The following COL4A2 variants were observed in gnomAD, a reference collection of about 807,000 sequenced individuals.
COL4A2 encodes collagen alpha-2(IV) chain.
COL4A2 carries 99 observed loss-of-function variants against 200.2 expected under a neutral mutation model. The observed-to-expected ratio is 0.49, with a 90% CI of 0.42 to 0.58. COL4A2 has a LOEUF of 0.58. Among genes scored for constraint, COL4A2 ranks in the 20% least tolerant of loss-of-function variants. The pLI is 0.00. For missense variants in COL4A2, 1,950 were observed against 2,314.1 expected, an observed-to-expected ratio of 0.84 and a Z score of 3.23; for synonymous variants, 897 against 900.6, an observed-to-expected ratio of 1.00 and a Z score of 0.07.
At position 110,491,312 on chromosome 13, in the gene COL4A2, A is replaced by G. The variant is rs745697439; in HGVS notation, c.3426A>G (p.Gln1142=). The G allele has an allele frequency of 1.9e-6, 3 of 1,593,554 alleles. No homozygotes were observed. The highest frequency in any genetic ancestry group is 2.3e-5 in the East Asian group (1 of 44,090). ...FPGITGVTGV[Q]GPPGLKGQTG... Reference sequence around the variant, plus strand: ...GGATAACAGGCGTGACTGGAGTCCAAGGCCCTCCTGGACTTAAAGGACAAA... The same window carrying G: ...GGATAACAGGCGTGACTGGAGTCCAGGGCCCTCCTGGACTTAAAGGACAAA... Residue 1142 remains glutamine (Q), a synonymous_variant, in exon 37 of 48, where the codon CAA becomes CAG. Transcript: ENST00000360467.
intron 4 of COL4A2, among the ~76,000 whole-genome samples, chr13:110,400,312 A>G (rs1927346): frequency 0.59 from 90,257 of 152,112 alleles, 27,400 homozygotes; most frequent in Non-Finnish European, 0.67. Flanking sequence ...GATTTTAAGT[A>G]TTTTCTGAAC....
At chr13:110,387,353 C>A (rs1405235554) in intron 4 of COL4A2, among the ~76,000 whole-genome samples, 1 of 152,238 alleles carries the variant, frequency 6.6e-6, no homozygotes, top group Non-Finnish European at 1.5e-5. Flanking sequence ...AGGGCCAGAC[C>A]CTGAGCTGCT....
At chr13:110,454,799 T>C (rs1881661436) in intron 20 of COL4A2, among the ~76,000 whole-genome samples, 1 of 152,196 alleles carries the variant, frequency 6.6e-6, no homozygotes, top group Admixed American at 6.5e-5. Flanking sequence ...CTGTTCTGTG[T>C]GCTGAGCTAC....
chr13:110,402,804 T>G (rs992639545), intron 4 of COL4A2, among the ~76,000 whole-genome samples: 5 of 152,214 alleles, frequency 3.3e-5, no homozygotes, highest in Non-Finnish European at 5.9e-5. Flanking sequence ...GTCACAGAAG[T>G]TCTCCAGGGC....
At chr13:110,350,617 G>A (rs1876914647) in intron 3 of COL4A2, among the ~76,000 whole-genome samples, 1 of 152,232 alleles carries the variant, frequency 6.6e-6, no homozygotes, top group Non-Finnish European at 1.5e-5. Flanking sequence ...TGATGGTTCA[G>A]TGGTTTCCAG....
At chr13:110,309,681 C>G (rs562232559) in intron 3 of COL4A2, among the ~76,000 whole-genome samples, 1 of 152,166 alleles carries the variant, frequency 6.6e-6, no homozygotes, top group African/African-American at 2.4e-5. Flanking sequence ...CCACCAAGCA[C>G]CTAGGTCTAA....
At chr13:110,410,079 T>C (rs1189676766) in intron 4 of COL4A2, among the ~76,000 whole-genome samples, 1 of 152,216 alleles carries the variant, frequency 6.6e-6, no homozygotes, top group Non-Finnish European at 1.5e-5. Context: ...TTCCAAAATA[T>C]TAGATACCTT....
Position 110,473,006 on chromosome 13 carries a change from C to A in COL4A2, c.2281C>A (p.Pro761Thr). The A allele has an allele frequency of 1.3e-6, 2 of 1,527,768 alleles. No individual in the cohort carries two copies. The highest frequency in any genetic ancestry group is 2.2e-5 in the Admixed American group (1 of 45,756). The allele number at this position is 1,527,768 out of a possible 1,614,324, so 94.6% of individuals were successfully genotyped here. A position where few individuals can be genotyped will look rare whatever the true frequency, so the allele number is the denominator to read the frequency against. The change falls in exon 29 of 48, where the codon CCA (proline) becomes ACA (threonine). Residue 761 changes from proline to threonine, a missense_variant. Around this residue, in one of 2 missense-constraint regions of COL4A2, gnomAD observed 1,385 missense variants for 1,720.5 expected, o/e 0.80. Transcript: ENST00000360467. Reference protein sequence around the residue: ...PDGSPGPIGLPGPDGPPGERG... With the variant: ...PDGSPGPIGLTGPDGPPGERG... The stretch of plus-strand genomic sequence containing the variant: ...TGGATCCCCAGGTCCCATCGGCCTG[C>A]CAGGGCCAGATGGGCCCCCTGGGGA...
chr13:110,462,839 G>A (rs1331372132), intron 24 of COL4A2, among the ~76,000 whole-genome samples: 1 of 152,196 alleles, frequency 6.6e-6, no homozygotes, highest in Non-Finnish European at 1.5e-5. Flanking sequence ...AGGCGCGGGA[G>A]GCAGCCATGG....
At chr13:110,425,737 GT>G (rs1880447017) in intron 6 of COL4A2, among the ~76,000 whole-genome samples, 1 of 152,178 alleles carries the variant, frequency 6.6e-6, no homozygotes, top group Admixed American at 6.5e-5. Flanking sequence ...GCAGAGGCAG[GT>G]TCTGTATCAC....
chr13:110,484,223 G>C (rs7333851), intron 32 of COL4A2, among the ~76,000 whole-genome samples: 6,452 of 152,122 alleles, frequency 0.042, 457 homozygotes, highest in African/African-American at 0.15. Flanking sequence ...CGCTCTGTGG[G>C]GTCAGGACCA....
chr13:110,361,909 G>A (rs952747904), intron 4 of COL4A2, among the ~76,000 whole-genome samples: 24 of 152,188 alleles, frequency 1.6e-4, no homozygotes, highest in Non-Finnish European at 2.9e-4. Context: ...GTTCACGTAC[G>A]AGCACACTGA....
At chr13:110,389,123 G>A (rs960536891) in intron 4 of COL4A2, among the ~76,000 whole-genome samples, 4 of 152,158 alleles carry the variant, frequency 2.6e-5, no homozygotes, top group Admixed American at 6.5e-5. Context: ...CATGCAGGAC[G>A]TCCTCACAGA....
intron 4 of COL4A2, among the ~76,000 whole-genome samples, chr13:110,375,938 GC>G (rs1403002403): frequency 2.0e-5 from 3 of 152,176 alleles, no homozygotes; most frequent in Non-Finnish European, 4.4e-5. Context: ...TGCTGCAGAA[GC>G]ATTTCCTGGG....
Position 110,505,163 on chromosome 13 carries a change from A to C in COL4A2, c.4402+899A>C, listed in dbSNP as rs1046362681. On this transcript the variant is annotated intron_variant, in intron 45 of 47. Transcript: ENST00000360467. ...CAGGAGATCGAGACCATCCTGGCTA[A>C]CACGGTGAAACCCCGTCTCTACTAA... Among the ~76,000 whole-genome samples the C allele has an allele frequency of 3.3e-5, 5 of 151,292 alleles. 1 individual carries two copies. Among genetic ancestry groups the C allele is most frequent in the South Asian group, 2.1e-4 (1 of 4,750 alleles).
intron 4 of COL4A2, among the ~76,000 whole-genome samples, chr13:110,382,894 C>G (rs138352574): frequency 1.3e-5 from 2 of 152,272 alleles, no homozygotes; most frequent in African/African-American, 4.8e-5. Context: ...TTTTACTCAG[C>G]TTAGTGGTAA....
At chr13:110,342,693 C>A (rs1470161607) in intron 3 of COL4A2, among the ~76,000 whole-genome samples, 1 of 152,134 alleles carries the variant, frequency 6.6e-6, no homozygotes, top group African/African-American at 2.4e-5. Context: ...CACAAGACCG[C>A]CCCCACGAAA....
At chr13:110,472,625 G>A (rs188235572) in intron 28 of COL4A2, among the ~76,000 whole-genome samples, 3 of 152,206 alleles carry the variant, frequency 2.0e-5, no homozygotes, top group East Asian at 1.9e-4. Flanking sequence ...TATTTGCAAA[G>A]CAGGGGAACC....
At chr13:110,488,380 G>A (rs1275677791) in intron 34 of COL4A2, among the ~76,000 whole-genome samples, 1 of 152,168 alleles carries the variant, frequency 6.6e-6, no homozygotes, top group Non-Finnish European at 1.5e-5. Context: ...CATTGATGCT[G>A]TAGTACTAAA....
Sources: allele counts gnomAD v4.1 joint callset (sites outside exome capture counted in the v4.1 genomes callset), GRCh38; gene constraint gnomAD v4.1.1; regional missense constraint gnomAD v4.1.1; transcripts MANE v1.5; gene names NCBI Gene and HGNC (gene_info 2026-07-23, HGNC 2026-07-21).